Variants in RGS11 observed in about 807,000 individuals in gnomAD.
The protein encoded by RGS11 is regulator of G-protein signaling 11.
Under a neutral mutation model 71.1 loss-of-function variants are expected in RGS11, and 86 were observed. The ratio of observed to expected loss-of-function variants is 1.21; its 90% CI spans 1.02 to 1.45. The LOEUF is 1.45. RGS11 is among the 40% of genes most tolerant of loss of function. The pLI, the probability that RGS11 is intolerant of heterozygous loss-of-function variation, is 0.00. For missense variants in RGS11, 734 were observed against 635.1 expected, an observed-to-expected ratio of 1.16 and a Z score of -1.67; for synonymous variants, 298 against 254.2, an observed-to-expected ratio of 1.17 and a Z score of -1.64.
chr16:275,917 C>A lies in RGS11; in HGVS notation c.-6G>T. The A allele has an allele frequency of 1.5e-6, 1 of 685,654 alleles. No homozygotes were observed. Among genetic ancestry groups the A allele is most frequent in the Non-Finnish European group, 1.8e-6 (1 of 560,794 alleles). 42.5% of individuals were successfully genotyped at this position (685,654 alleles called of 1,614,324 possible). On this transcript the variant is annotated 5_prime_UTR_variant, in exon 1 of 17. Transcript: ENST00000397770. ...GGCGCGGGGCCGGCGGCCATGGCTG[C>A]GGGGCGAGGCCGGCGGGGATGACCG...
At chr16:272,193 G>C in intron 9 of RGS11, 1 of 1,168,290 alleles carries the variant, frequency 8.6e-7, no homozygotes, top group South Asian at 1.7e-5. Flanking sequence ...ACATACTTGA[G>C]AAATACTACT....
At position 272,899 on chromosome 16, in the gene RGS11, T is replaced by C. The variant is rs2052000352; in HGVS notation, c.621A>G (p.Pro207=). 6.5e-7 allele frequency: 1 copy of C among 1,530,690 alleles called. No individual in the cohort carries two copies. Among genetic ancestry groups the C allele is most frequent in the Non-Finnish European group, 8.8e-7 (1 of 1,136,040 alleles). The allele number at this position is 1,530,690 out of a possible 1,614,324, so 94.8% of individuals were successfully genotyped here. ...GGCTGGCAGCGCAGGATCCCCGCCC[T>C]GGACCCTGCTCCAGCACATCGGGGG... ...PGAPDVLEQG[P]GRGSCAASRV... is the part of the protein sequence containing the mutation. The change falls in exon 9 of 17, where the codon CCA becomes CCG. Residue 207 remains proline, a synonymous_variant. Transcript: ENST00000397770.
Position 269,300 on chromosome 16 carries a change from C to T in RGS11, c.1373G>A (p.Cys458Tyr). 6.3e-7 allele frequency: 1 copy of T among 1,585,734 alleles called. No individual in the cohort carries two copies. Among genetic ancestry groups the T allele is most frequent in the Admixed American group, 1.8e-5 (1 of 55,050 alleles). ...LPTPVEPTAACGPGGGDGVA is the reference protein window; with the variant it reads ...LPTPVEPTAAYGPGGGDGVA ...CACCCCATCTCCACCCCCAGGGCCA[C>T]AAGCCGCTGTGGGCTCCACAGGGGT... is the stretch of plus-strand genomic sequence containing the variant. Residue 458 changes from cysteine (C) to tyrosine (Y), a missense_variant, in exon 17 of 17, where the codon TGT becomes TAT. Transcript: ENST00000397770.
chr16:273,609 G>A (rs575302131), intron 7 of RGS11, 53 bp from the exon 8 acceptor site: 49 of 1,507,162 alleles, frequency 3.3e-5, no homozygotes, highest in South Asian at 2.9e-4. Context: ...CAGCCCCTCC[G>A]CCCCCACCCT....
rs200652424 is a variant in RGS11, at chr16:273,804, G to C, written c.462C>G (p.Asn154Lys). Residue 154 changes from asparagine to lysine, a missense_variant, in exon 7 of 17, where the codon AAC (asparagine) becomes AAG (lysine). By Grantham distance (94) the Asn-to-Lys change is moderately conservative. Coordinates refer to ENST00000397770, the MANE Select transcript of RGS11 (RefSeq NM_183337.3). ...DCYDRLHKKI[N>K]HAWDLVLMQA... Reference sequence around the variant, plus strand: ...GCATCAGCACCAGGTCCCATGCGTGGTTGATCTTCTTGTGTAGCCGGTCAT... The same window carrying C: ...GCATCAGCACCAGGTCCCATGCGTGCTTGATCTTCTTGTGTAGCCGGTCAT... 4.2e-5 allele frequency: 67 copies of C among 1,613,284 alleles called. No homozygotes were observed. The highest frequency in any genetic ancestry group is 5.4e-5 in the Non-Finnish European group (64 of 1,180,024).
intron 4 of RGS11, 130 bp downstream of exon 4, chr16:274,846 C>T: frequency 7.7e-7 from 1 of 1,293,080 alleles, no homozygotes; most frequent in Non-Finnish European, 1.1e-6. Context: ...GACCACCAGC[C>T]CACGGCGACA....
chr16:274,179 G>T (rs1355352055), intron 5 of RGS11, 35 bp downstream of exon 5: 2 of 1,599,544 alleles, frequency 1.3e-6, no homozygotes, highest in Non-Finnish European at 1.7e-6. Flanking sequence ...CCCAGTCCTG[G>T]GAACTTGTCT....
chr16:269,081 C>A lies in RGS11; in HGVS notation c.*188G>T. On this transcript the variant is annotated 3_prime_UTR_variant, in exon 17 of 17. Coordinates refer to ENST00000397770, the MANE Select transcript of RGS11 (RefSeq NM_183337.3). The stretch of plus-strand genomic sequence containing the variant: ...GAATCCACACCTGGACCCATTCCTT[C>A]TGGGCAGGGAGGGCTTGCTGGAGGG... 1.0e-6 allele frequency: 1 copy of A among 976,862 alleles called. No individual in the cohort carries two copies. The highest frequency in any genetic ancestry group is 1.6e-6 in the Non-Finnish European group (1 of 625,618). 60.5% of individuals were successfully genotyped at this position (976,862 alleles called of 1,614,324 possible). A position where few individuals can be genotyped will look rare whatever the true frequency, so the allele number is the denominator to read the frequency against.
Position 269,823 on chromosome 16 carries a change from G to C in RGS11, c.1207-238C>G, listed in dbSNP as rs112877257. On this transcript the variant is annotated intron_variant, in intron 15 of 16. Transcript: ENST00000397770. ...AAATGGCAAGAGCCCTGGTGGCCAC[G>C]TGTAGAGGAATAAACCGCGGCACCT... 1.4e-3 allele frequency: 694 copies of C among 510,454 alleles called. 3 individuals are homozygous for C. The highest frequency in any genetic ancestry group is 0.013 in the African/African-American group (649 of 51,796). The allele number at this position is 510,454 out of a possible 1,614,324, so 31.6% of individuals were successfully genotyped here.
intron 15 of RGS11, 68 bp from the exon 16 acceptor site, chr16:269,653 G>A (rs901030004): frequency 3.1e-6 from 4 of 1,273,156 alleles, no homozygotes; most frequent in Middle Eastern, 3.7e-4. Context: ...CCACCCGAAG[G>A]AGCAGCCAAA....
Position 270,105 on chromosome 16 carries a change from C to T in RGS11, c.1206+418G>A, listed in dbSNP as rs188876732. Reference sequence around the variant, plus strand: ...TCTACTAAAAATACAAAAAATTAGCCGGGCGTGGTGGCGGGCGCCTGTAGT... The same window carrying T: ...TCTACTAAAAATACAAAAAATTAGCTGGGCGTGGTGGCGGGCGCCTGTAGT... On this transcript the variant is annotated intron_variant, in intron 15 of 16. Coordinates refer to ENST00000397770, the MANE Select transcript of RGS11 (RefSeq NM_183337.3). 2.4e-3 allele frequency among the ~76,000 whole-genome samples: 361 copies of T among 151,966 alleles called. 1 individual carries two copies. The highest frequency in any genetic ancestry group is 8.4e-3 in the African/African-American group (346 of 41,424).
At position 271,322 on chromosome 16, in the gene RGS11, G is replaced by T. The variant is rs1231106474; in HGVS notation, c.750-7C>A. The T allele has an allele frequency of 1.3e-5, 21 of 1,612,800 alleles. No individual in the cohort carries two copies. The highest frequency in any genetic ancestry group is 1.7e-5 in the Non-Finnish European group (20 of 1,179,770). The stretch of plus-strand genomic sequence containing the variant: ...GCCGCAGAAACTCAGGTACCTGGAA[G>T]GGGGTATGGGGGCTGGTGCAGGAGG... On this transcript the variant is annotated splice_region_variant and splice_polypyrimidine_tract_variant and intron_variant, in intron 11 of 16. Coordinates refer to ENST00000397770, the MANE Select transcript of RGS11 (RefSeq NM_183337.3).
intron 1 of RGS11, 28 bp downstream of exon 1, chr16:275,821 G>C (rs1294365393): frequency 2.0e-6 from 2 of 1,022,520 alleles, no homozygotes; most frequent in Non-Finnish European, 2.5e-6. Flanking sequence ...GAAATCGGGG[G>C]ACGGCGGGAC....
At chr16:271,346 G>T in intron 11 of RGS11, 31 bp from the exon 12 acceptor site, 1 of 1,612,384 alleles carries the variant, frequency 6.2e-7, no homozygotes, top group Non-Finnish European at 8.5e-7. Context: ...TGGTGCAGGA[G>T]GGGCCTCAGC....
At chr16:273,680 C>G (rs375056252) in intron 7 of RGS11, 80 bp downstream of exon 7, 17 of 1,544,124 alleles carry the variant, frequency 1.1e-5, no homozygotes, top group Non-Finnish European at 1.5e-5. Flanking sequence ...CCAGGGCCAC[C>G]GGAGCCTGGC....
In RGS11 at chr16:275,446, C is replaced by T. The variant is rs1191764795; in HGVS notation, c.116G>A (p.Arg39Gln). The T allele has an allele frequency of 2.5e-6, 4 of 1,597,542 alleles. No individual in the cohort carries two copies. In the Admixed American group the frequency reaches 6.7e-5, roughly 27 times the overall value. The change falls in exon 2 of 17, where the codon CGG becomes CAG. Residue 39 changes from arginine to glutamine, a missense_variant. Physicochemically the swap from Arg to Gln is conservative, Grantham distance 43. Coordinates refer to ENST00000397770, the MANE Select transcript of RGS11 (RefSeq NM_183337.3). Reference protein sequence around the residue: ...MQDPDQGVKMRSQRLLVTVIP... With the variant: ...MQDPDQGVKMQSQRLLVTVIP... ...GACGGTGACCAGCAGGCGCTGGCTC[C>T]GCATCTTCACGCCCTGGTCGGGGTC... is the stretch of plus-strand genomic sequence containing the variant.
intron 10 of RGS11, 27 bp downstream of exon 10, chr16:271,513 C>T (rs772970431): frequency 1.9e-6 from 3 of 1,613,884 alleles, no homozygotes; most frequent in African/African-American, 1.3e-5. Flanking sequence ...GCACCTGGCA[C>T]CCTCCACTCC....
chr16:273,640 C>T (rs1371463363), intron 7 of RGS11, 84 bp from the exon 8 acceptor site: 1 of 1,482,650 alleles, frequency 6.7e-7, no homozygotes, highest in Non-Finnish European at 9.3e-7. Context: ...CCTGGGCAGG[C>T]AGCCACACCC....
At chr16:271,774 G>A (rs1389649897) in intron 9 of RGS11, 13 of 600,170 alleles carry the variant, frequency 2.2e-5, no homozygotes, top group East Asian at 1.7e-4. Context: ...AAGGTCTGGC[G>A]ATCTGTGGAA....
Sources: allele counts gnomAD v4.1 joint callset (sites outside exome capture counted in the v4.1 genomes callset), GRCh38; gene constraint gnomAD v4.1.1; transcripts MANE v1.5; gene names NCBI Gene and HGNC (gene_info 2026-07-23, HGNC 2026-07-21).